The following STK3 variants were observed in gnomAD, a reference collection of about 807,000 sequenced individuals.
The protein encoded by STK3 is serine/threonine-protein kinase 3.
A neutral mutation model predicts 58.0 loss-of-function variants in STK3; 41 were observed. The ratio of observed to expected loss-of-function variants is 0.71; its 90% CI spans 0.55 to 0.92. The LOEUF is 0.92. Among genes scored for constraint, STK3 ranks in the 40% least tolerant of loss-of-function variants. The pLI, the probability that STK3 is intolerant of heterozygous loss-of-function variation, is 0.00. For synonymous variants in STK3, 170 were observed against 191.0 expected, an observed-to-expected ratio of 0.89 and a Z score of 0.91; for missense variants, 479 against 602.7, an observed-to-expected ratio of 0.79 and a Z score of 2.15.
chr8:98,568,378 T>C (rs1313462659), intron 8 of STK3, among the ~76,000 whole-genome samples: 1 of 152,296 alleles, frequency 6.6e-6, no homozygotes, highest in Non-Finnish European at 1.5e-5. Flanking sequence ...CAGATAAATA[T>C]GTAAGCAGCT....
rs1202002507 is a variant in STK3, at chr8:98,835,439, C to G, written c.110+48208G>C. Among the ~76,000 whole-genome samples, 4 of 152,272 alleles carry G rather than the reference C, an allele frequency of 2.6e-5. No individual in the cohort carries two copies. The East Asian group carries it at 7.7e-4, about 29-fold the overall frequency. On this transcript the variant is annotated intron_variant, in intron 3 of 12. Coordinates refer to the STK3 transcript ENST00000523601. ...CTGCAGGCTCCTGCACCCAGGGCTG[C>G]TTTTCTGGGTCCTACTAAATGGGCA...
chr8:98,665,707 ATT>A (rs373663162), intron 6 of STK3, among the ~76,000 whole-genome samples: 1 of 138,862 alleles, frequency 7.2e-6, no homozygotes. Context: ...ACCCATCCTG[ATT>A]TTTTTTTTTT....
intron 3 of STK3, among the ~76,000 whole-genome samples, chr8:98,840,350 TAAAAAAAAA>T (rs775446064): frequency 9.9e-6 from 1 of 100,824 alleles, no homozygotes; most frequent in African/African-American, 3.7e-5. Flanking sequence ...AGACTCTGGT[TAAAAAAAAA>T]AAAAAAAAAA....
chr8:98,615,685 G>A (rs1817647060), intron 6 of STK3, among the ~76,000 whole-genome samples: 1 of 51,598 alleles, frequency 1.9e-5, no homozygotes, highest in African/African-American at 6.3e-5. Flanking sequence ...AGGAGCCGAT[G>A]CGATCAACTG....
intron 7 of STK3, among the ~76,000 whole-genome samples, chr8:98,590,267 CTCT>C (rs1404334666): frequency 6.6e-6 from 1 of 152,146 alleles, no homozygotes; most frequent in Non-Finnish European, 1.5e-5. Context: ...TCCTGTGCAC[CTCT>C]TCTTGGAATA....
chr8:98,394,118 G>A (rs1032229021), intron 3 of STK3, among the ~76,000 whole-genome samples: 6 of 152,122 alleles, frequency 3.9e-5, no homozygotes, highest in African/African-American at 1.4e-4. Flanking sequence ...TGTAGTCTCA[G>A]AACTCTCAAG....
chr8:98,715,724 C>T (rs1456234350), intron 4 of STK3, among the ~76,000 whole-genome samples: 3 of 151,782 alleles, frequency 2.0e-5, no homozygotes, highest in Non-Finnish European at 3.0e-5. Context: ...GTCGGTGTGG[C>T]GATTCCTCAG....
Position 98,737,036 on chromosome 8 carries a change from G to C in STK3, c.351+12240C>G, listed in dbSNP as rs567153242. Among the ~76,000 whole-genome samples the C allele has an allele frequency of 8.6e-5, 13 of 152,036 alleles. No individual in the cohort carries two copies. The South Asian group carries it at 2.1e-3, about 24-fold the overall frequency. On this transcript the variant is annotated intron_variant, in intron 4 of 10. Coordinates refer to ENST00000419617, the MANE Select transcript of STK3 (RefSeq NM_006281.4). Reference sequence around the variant, plus strand: ...ATGCTGTCACAACAACATCCATCTGGGTCCACTTGAGCACCAATCCAACCT... The same window carrying C: ...ATGCTGTCACAACAACATCCATCTGCGTCCACTTGAGCACCAATCCAACCT...
intron 6 of STK3, among the ~76,000 whole-genome samples, chr8:98,629,053 A>C (rs1421788624): frequency 2.6e-5 from 4 of 152,102 alleles, no homozygotes; most frequent in Non-Finnish European, 4.4e-5. Flanking sequence ...GGGTAACTTG[A>C]TGGATTTTTA....
chr8:98,364,795 G>A, the STK3 span, among the ~76,000 whole-genome samples: 1 of 152,190 alleles, frequency 6.6e-6, no homozygotes, highest in African/African-American at 2.4e-5. Flanking sequence ...GCCAACGGGA[G>A]GCACCCAGAA....
At chr8:98,353,106 A>G in the STK3 span, among the ~76,000 whole-genome samples, 2 of 152,218 alleles carry the variant, frequency 1.3e-5, no homozygotes, top group South Asian at 4.1e-4. Context: ...TTCAATGTAC[A>G]CACATTTTGT....
intron 3 of STK3, among the ~76,000 whole-genome samples, chr8:98,833,250 G>A (rs1587724610): frequency 6.6e-6 from 1 of 152,230 alleles, no homozygotes; most frequent in East Asian, 1.9e-4. Flanking sequence ...AGGATCCAAA[G>A]ATTTTCTGAT....
chr8:98,633,257 C>T (rs994944410), intron 6 of STK3, among the ~76,000 whole-genome samples: 2 of 152,042 alleles, frequency 1.3e-5, no homozygotes, highest in African/African-American at 4.8e-5. Context: ...GATAGTATGG[C>T]TAAAGGAAAG....
At chr8:98,418,663 A>T (rs935635366) in intron 3 of STK3, among the ~76,000 whole-genome samples, 1 of 152,246 alleles carries the variant, frequency 6.6e-6, no homozygotes, top group African/African-American at 2.4e-5. Flanking sequence ...ACAGAAAGGG[A>T]TCTTACCCTG....
intron 2 of STK3, among the ~76,000 whole-genome samples, chr8:98,375,668 T>G (rs189476038): frequency 6.6e-6 from 1 of 152,282 alleles, no homozygotes; most frequent in African/African-American, 2.4e-5. Flanking sequence ...TGTACCCTTT[T>G]GCAACTTTTT....
At position 98,781,802 on chromosome 8, in the gene STK3, A is replaced by T. The variant is rs183151402; in HGVS notation, c.27-6983T>A. Among the ~76,000 whole-genome samples, 73 of 152,224 alleles carry T rather than the reference A, an allele frequency of 4.8e-4. 1 individual carries two copies. The East Asian group carries it at 0.012, about 25-fold the overall frequency. ...ATTAACAATGTCAAAAAAATAAAAA[A>T]AAAAATTATTAAACCTATGAGTAAT... On this transcript the variant is annotated intron_variant, in intron 1 of 10. Coordinates refer to ENST00000419617, the MANE Select transcript of STK3 (RefSeq NM_006281.4).
At chr8:98,518,208 G>T (rs765182541) in intron 10 of STK3, among the ~76,000 whole-genome samples, 10 of 151,950 alleles carry the variant, frequency 6.6e-5, no homozygotes, top group Non-Finnish European at 1.5e-4. Context: ...AATCCAATAA[G>T]TACAGGCCTG....
chr8:98,550,750 C>T (rs1811097076), intron 8 of STK3, among the ~76,000 whole-genome samples: 1 of 152,070 alleles, frequency 6.6e-6, no homozygotes, highest in Non-Finnish European at 1.5e-5. Flanking sequence ...AATCCTGGCT[C>T]AAATCACTTA....
intron 8 of STK3, among the ~76,000 whole-genome samples, chr8:98,555,370 A>C (rs910080767): frequency 6.6e-6 from 1 of 152,122 alleles, no homozygotes; most frequent in African/African-American, 2.4e-5. Flanking sequence ...TTAGAATATA[A>C]AATTGTTTCT....
Sources: allele counts gnomAD v4.1 joint callset (sites outside exome capture counted in the v4.1 genomes callset), GRCh38; gene constraint gnomAD v4.1.1; transcripts MANE v1.5; gene names NCBI Gene and HGNC (gene_info 2026-07-23, HGNC 2026-07-21).